The following IQSEC1 variants were observed in gnomAD, a reference collection of about 807,000 sequenced individuals.
The protein encoded by IQSEC1 is IQ motif and Sec7 domain ArfGEF 1, also known as IQ motif and SEC7 domain-containing protein 1.
In IQSEC1, 31 loss-of-function variants were observed where a neutral mutation model predicts 91.0. The observed-to-expected ratio is 0.34, with a 90% confidence interval of 0.26 to 0.46. The LOEUF is 0.46. Among genes scored for constraint, IQSEC1 ranks in the 20% least tolerant of loss-of-function variants. The pLI is 1.00. For synonymous variants in IQSEC1, 699 were observed against 662.6 expected (o/e 1.05, Z -0.84); for missense variants, 1,388 against 1,575.6 (o/e 0.88, Z 2.02).
At chr3:13,216,015 G>T (rs143830995) in intron 1 of IQSEC1, among the ~76,000 whole-genome samples, 193 of 152,348 alleles carry the variant, frequency 1.3e-3, no homozygotes, top group African/African-American at 4.5e-3. Flanking sequence ...GACACCATGT[G>T]CAGGGGATGA....
intron 3 of IQSEC1, among the ~76,000 whole-genome samples, chr3:12,932,971 C>T (rs1236644746): frequency 6.6e-6 from 1 of 152,264 alleles, no homozygotes; most frequent in Non-Finnish European, 1.5e-5. Context: ...TCTTCCTCCC[C>T]GCTTGCTGCT....
chr3:12,914,422 G>T (rs1401562731), intron 8 of IQSEC1, among the ~76,000 whole-genome samples: 1 of 152,230 alleles, frequency 6.6e-6, no homozygotes, highest in Non-Finnish European at 1.5e-5. Context: ...CTAGGCCAGG[G>T]CTGCCTGAGT....
At chr3:12,932,977 C>A (rs146539555) in intron 3 of IQSEC1, among the ~76,000 whole-genome samples, 2 of 152,392 alleles carry the variant, frequency 1.3e-5, no homozygotes, top group African/African-American at 4.8e-5. Flanking sequence ...TCCCCGCTTG[C>A]TGCTGGCTCT....
chr3:13,122,312 A>G (rs1706439449), intron 2 of IQSEC1, among the ~76,000 whole-genome samples: 1 of 152,238 alleles, frequency 6.6e-6, no homozygotes. Flanking sequence ...GTCCAGGAAG[A>G]GTTGAGAAGT....
At chr3:12,917,344 T>C (rs1200587351) in intron 6 of IQSEC1, among the ~76,000 whole-genome samples, 1 of 152,206 alleles carries the variant, frequency 6.6e-6, no homozygotes, top group Non-Finnish European at 1.5e-5. Flanking sequence ...TCCACCATTA[T>C]AGCACCACGC....
At chr3:13,188,094 G>A (rs1052903294) in intron 1 of IQSEC1, among the ~76,000 whole-genome samples, 11 of 152,316 alleles carry the variant, frequency 7.2e-5, no homozygotes, top group African/African-American at 2.4e-4. Flanking sequence ...TGCCAGCCAC[G>A]CCTGGCCTGT....
intron 1 of IQSEC1, among the ~76,000 whole-genome samples, chr3:13,056,807 C>A (rs754484071): frequency 1.6e-4 from 25 of 152,148 alleles, no homozygotes; most frequent in Non-Finnish European, 2.8e-4. Flanking sequence ...ATTCACCTAG[C>A]AACTTACATA....
chr3:13,129,668 T>TTG (rs1410480385), intron 2 of IQSEC1, among the ~76,000 whole-genome samples: 3 of 149,598 alleles, frequency 2.0e-5, no homozygotes, highest in African/African-American at 7.4e-5. Flanking sequence ...TTTTTTTTTT[T>TTG]TTTTTTTGAG....
At chr3:13,031,378 GGA>G (rs942292578) in intron 1 of IQSEC1, among the ~76,000 whole-genome samples, 5 of 152,250 alleles carry the variant, frequency 3.3e-5, no homozygotes, top group African/African-American at 1.2e-4. Context: ...CTCAGCTGGG[GGA>G]CTCGGCCTCT....
chr3:12,945,070 T>C (rs1576004739), intron 1 of IQSEC1, among the ~76,000 whole-genome samples: 1 of 152,304 alleles, frequency 6.6e-6, no homozygotes, highest in African/African-American at 2.4e-5. Flanking sequence ...TTGTTCCCAG[T>C]TGGCCGCGGT....
intron 13 of IQSEC1, among the ~76,000 whole-genome samples, 180 bp downstream of exon 13, chr3:12,902,592 AG>A (rs1244519443): frequency 7.1e-6 from 1 of 141,252 alleles, no homozygotes; most frequent in Non-Finnish European, 1.5e-5. Context: ...CCAGGCAGGC[AG>A]GGGCAGGGAG....
chr3:13,088,639 G>T (rs1705782425), intron 2 of IQSEC1, among the ~76,000 whole-genome samples: 1 of 152,034 alleles, frequency 6.6e-6, no homozygotes, highest in South Asian at 2.1e-4. Context: ...ACCCTCCCGG[G>T]GACCCCACCC....
chr3:13,167,738 G>T (rs1040662006), intron 1 of IQSEC1, among the ~76,000 whole-genome samples: 1 of 152,176 alleles, frequency 6.6e-6, no homozygotes, highest in African/African-American at 2.4e-5. Context: ...AGTGTTTGTC[G>T]CTCTGGTTCC....
chr3:13,282,437 C>T lies in IQSEC1; in HGVS notation c.272+274G>A, dbSNP rs1315193689. Among the ~76,000 whole-genome samples, 1 of 152,154 alleles carries T rather than the reference C, an allele frequency of 6.6e-6. No individual in the cohort carries two copies. Among genetic ancestry groups the T allele is most frequent in the Non-Finnish European group, 1.5e-5 (1 of 67,996 alleles). On this transcript the variant is annotated intron_variant, in intron 1 of 15. Coordinates refer to the IQSEC1 transcript ENST00000648114. This position sits in a 1 kb window ranked among gnomAD's most constrained non-coding sequence, Gnocchi z 6.4. ...CGCCAACCCTGAGTCCGCGCCGCAG[C>T]GCAGAGCCAGGCCGGCGGGAGCGCT...
At chr3:13,050,532 A>G (rs1696793405) in intron 1 of IQSEC1, among the ~76,000 whole-genome samples, 1 of 152,256 alleles carries the variant, frequency 6.6e-6, no homozygotes, top group African/African-American at 2.4e-5. Context: ...CATTATTATC[A>G]TTACATAGAC....
In IQSEC1 at chr3:13,008,621, G is replaced by A. The variant is rs1351073682; in HGVS notation, c.23+64371C>T. On this transcript the variant is annotated intron_variant, in intron 1 of 13. Transcript: ENST00000613206. This position sits in a 1 kb window ranked among gnomAD's most constrained non-coding sequence, Gnocchi z 4.1. ...TGATGTTGGAAATGCTCGTTTGTGT[G>A]TTTGTTTACTTGTCACCTCTCTGCC... 6.6e-6 allele frequency among the ~76,000 whole-genome samples: 1 copy of A among 152,170 alleles called. No homozygotes were observed. The highest frequency in any genetic ancestry group is 2.4e-5 in the African/African-American group (1 of 41,436).
chr3:13,045,399 C>T (rs1214445912), intron 1 of IQSEC1, among the ~76,000 whole-genome samples: 1 of 152,174 alleles, frequency 6.6e-6, no homozygotes, highest in Admixed American at 6.5e-5. Flanking sequence ...CCTGAGTGCC[C>T]GACACCCGCA....
chr3:13,258,618 C>T (rs1045060850), intron 1 of IQSEC1, among the ~76,000 whole-genome samples: 3 of 151,940 alleles, frequency 2.0e-5, no homozygotes, highest in Non-Finnish European at 2.9e-5. Flanking sequence ...CGCAGGAAAT[C>T]GAGGCTGCAG....
intron 1 of IQSEC1, among the ~76,000 whole-genome samples, chr3:13,003,276 CAAAAAAAAAAA>C (rs56239928): frequency 3.5e-5 from 2 of 57,108 alleles, no homozygotes; most frequent in Admixed American, 2.5e-4. Flanking sequence ...CTGTCTCTAC[CAAAAAAAAAAA>C]AAAAAAAAAA....
Sources: allele counts gnomAD v4.1 joint callset (sites outside exome capture counted in the v4.1 genomes callset), GRCh38; gene constraint gnomAD v4.1.1; non-coding constraint Gnocchi (gnomAD v3.1); transcripts MANE v1.5; gene names NCBI Gene and HGNC (gene_info 2026-07-23, HGNC 2026-07-21).